Variants in NOC3L observed in about 807,000 individuals in gnomAD.
NOC3L encodes nucleolar complex protein 3 homolog.
A neutral mutation model predicts 102.5 loss-of-function variants in NOC3L; 85 were observed. The ratio of observed to expected loss-of-function variants is 0.83; its 90% CI spans 0.70 to 0.99. The LOEUF (loss-of-function observed/expected upper bound fraction) is 0.99, where lower values mean the gene tolerates loss of function less well. Among genes scored for constraint, NOC3L ranks in the 50% least tolerant of loss-of-function variants. The probability of loss-of-function intolerance (pLI) is 0.00; values close to 1 mark genes in which losing one functional copy is unlikely to be tolerated. For missense variants in NOC3L, 878 were observed against 914.9 expected (o/e 0.96, Z 0.52); for synonymous variants, 303 against 309.4 (o/e 0.98, Z 0.22).
the NOC3L span, chr10:94,316,649 C>A: frequency 6.2e-7 from 1 of 1,611,410 alleles, no homozygotes; most frequent in Non-Finnish European, 8.5e-7. Flanking sequence ...TAGGAAACAA[C>A]CATTCCAGAG....
the NOC3L span, among the ~76,000 whole-genome samples, chr10:94,320,965 G>T: frequency 3.3e-5 from 5 of 152,118 alleles, no homozygotes; most frequent in Non-Finnish European, 5.9e-5. Flanking sequence ...GAAAAGTTTG[G>T]TTTTTCTTAT....
downstream of NOC3L, chr10:94,332,391 A>G (rs2054170052): frequency 6.6e-6 from 1 of 151,922 alleles, no homozygotes; most frequent in Non-Finnish European, 1.5e-5. Flanking sequence ...ATTATTTCCC[A>G]CCCCACTCTT....
Position 94,361,669 on chromosome 10 carries a change from T to C in NOC3L, c.213A>G (p.Arg71=), listed in dbSNP as rs1217049613. The change falls in exon 2 of 21, where the codon CGA becomes CGG. Residue 71 remains arginine (R), a synonymous_variant. Transcript: ENST00000371361. ...ACATGATGTTTTCACAATTACCTGG[T>C]CGCTTTTCCTTTGGGTTCTCCAATG... ...PIPLENPKEK[R]PGKRIEREEE... 6.2e-7 allele frequency: 1 copy of C among 1,613,064 alleles called. No individual in the cohort carries two copies. The highest frequency in any genetic ancestry group is 2.2e-5 in the East Asian group (1 of 44,874).
At position 94,346,432 on chromosome 10, in the gene NOC3L, T is replaced by G; in HGVS notation, c.1382A>C (p.Gln461Pro). 6.7e-7 allele frequency: 1 copy of G among 1,496,146 alleles called. No homozygotes were observed. The highest frequency in any genetic ancestry group is 8.9e-7 in the Non-Finnish European group (1 of 1,121,758). The allele number at this position is 1,496,146 out of a possible 1,614,324, so 92.7% of individuals were successfully genotyped here. A position where few individuals can be genotyped will look rare whatever the true frequency, so the allele number is the denominator to read the frequency against. Residue 461 changes from glutamine to proline, a missense_variant, in exon 11 of 21, where the codon CAG becomes CCG. By Grantham distance (76) the Gln-to-Pro change is moderately conservative. Coordinates refer to ENST00000371361, the MANE Select transcript of NOC3L (RefSeq NM_022451.11). Reference sequence around the variant, plus strand: ...AGGGGAAATAAGTCAAACCTTTCTCTGCATTCTTGATAGAGATTTTCTCTT... The same window carrying G: ...AGGGGAAATAAGTCAAACCTTTCTCGGCATTCTTGATAGAGATTTTCTCTT... The part of the protein sequence containing the change: ...KEKRKSLSRM[Q>P]RKWKKAEEKL...
intron 16 of NOC3L, 24 bp downstream of exon 16, chr10:94,340,252 G>A: frequency 6.4e-7 from 1 of 1,568,492 alleles, no homozygotes; most frequent in Non-Finnish European, 8.7e-7. Flanking sequence ...ACATATAAAA[G>A]AAACATTATC....
chr10:94,324,994 C>T, the NOC3L span: 2 of 1,614,020 alleles, frequency 1.2e-6, no homozygotes, highest in Non-Finnish European at 1.7e-6. Flanking sequence ...ACCTTCTCAG[C>T]TCTTGACCTC....
intron 5 of NOC3L, 22 bp from the exon 6 acceptor site, chr10:94,355,115 C>T (rs185421499): frequency 8.4e-5 from 134 of 1,592,636 alleles, no homozygotes; most frequent in Non-Finnish European, 1.1e-4. Context: ...TAGATGTTCC[C>T]TTACATATTC....
chr10:94,337,734 G>C (rs768374164), intron 19 of NOC3L, 43 bp downstream of exon 19: 2 of 1,333,722 alleles, frequency 1.5e-6, no homozygotes, highest in Non-Finnish European at 2.1e-6. Flanking sequence ...GTGGCTATCA[G>C]CTCAATTCTG....
chr10:94,357,437 G>A (rs2054502140), intron 3 of NOC3L, 106 bp from the exon 4 acceptor site: 1 of 927,022 alleles, frequency 1.1e-6, no homozygotes, highest in Admixed American at 3.4e-5. Context: ...ACTTTCAATA[G>A]GTATATGGAT....
chr10:94,340,210 G>A (rs1012953600), intron 16 of NOC3L, 66 bp downstream of exon 16: 2 of 1,316,082 alleles, frequency 1.5e-6, no homozygotes, highest in African/African-American at 3.0e-5. Context: ...TGTCTACAAT[G>A]ATGGGTCATA....
At chr10:94,324,863 C>T in the NOC3L span, 2 of 1,607,504 alleles carry the variant, frequency 1.2e-6, no homozygotes, top group East Asian at 4.5e-5. Context: ...TTTAACCTAA[C>T]ACCAATGGAA....
chr10:94,334,715 A>G lies in NOC3L; in HGVS notation c.2193T>C (p.Ser731=), dbSNP rs537591681. Residue 731 remains serine (S), a synonymous_variant, in exon 20 of 21, where the codon TCT becomes TCC. Transcript: ENST00000371361. ...TATATGCCTCAAAAAGTTCAGTAGCAGATCTAAATCACAAACACAAAAAAT... is the reference window on the plus strand; with the variant it reads ...TATATGCCTCAAAAAGTTCAGTAGCGGATCTAAATCACAAACACAAAAAAT... The part of the protein sequence containing the change: ...GALKPELSRR[S]ATELFEAYSM... 6.2e-7 allele frequency: 1 copy of G among 1,609,360 alleles called. No homozygotes were observed. The highest frequency in any genetic ancestry group is 2.2e-5 in the East Asian group (1 of 44,780).
At chr10:94,352,538 T>A (rs2054432263) in intron 7 of NOC3L, 135 bp from the exon 8 acceptor site, 1 of 636,696 alleles carries the variant, frequency 1.6e-6, no homozygotes, top group Non-Finnish European at 2.7e-6. Context: ...GGCAGTCGTT[T>A]AGGCCAGGCG....
chr10:94,341,593 T>C, intron 14 of NOC3L, 80 bp downstream of exon 14: 1 of 677,908 alleles, frequency 1.5e-6, no homozygotes, highest in Non-Finnish European at 2.3e-6. Context: ...GTATACAAAA[T>C]ATATCTCAAT....
chr10:94,340,673 G>A (rs1323498593), intron 14 of NOC3L, among the ~76,000 whole-genome samples, 177 bp from the exon 15 acceptor site: 1 of 151,950 alleles, frequency 6.6e-6, no homozygotes, highest in Non-Finnish European at 1.5e-5. Flanking sequence ...ACCAGCTTGG[G>A]CAACATGGCA....
At chr10:94,315,079 G>A in the NOC3L span, 2 of 232,640 alleles carry the variant, frequency 8.6e-6, no homozygotes, top group Non-Finnish European at 1.7e-5. Flanking sequence ...CTGAGCAGGG[G>A]GTGATGCTGG....
chr10:94,325,040 G>T, the NOC3L span: 36 of 1,614,090 alleles, frequency 2.2e-5, no homozygotes, highest in Non-Finnish European at 2.8e-5. Flanking sequence ...AAACCTGTGG[G>T]TGGCTTGTCC....
chr10:94,347,295 A>C (rs2054355453), intron 10 of NOC3L, among the ~76,000 whole-genome samples: 1 of 152,204 alleles, frequency 6.6e-6, no homozygotes, highest in African/African-American at 2.4e-5. Flanking sequence ...GAATGAAACA[A>C]GGAATAACTA....
chr10:94,316,297 T>C, the NOC3L span, among the ~76,000 whole-genome samples: 1 of 152,350 alleles, frequency 6.6e-6, no homozygotes, highest in South Asian at 2.1e-4. Context: ...CTAGGAGCTC[T>C]CATTCCAGCA....
Sources: gnomAD v4.1 joint callset for allele counts (sites outside exome capture counted in the v4.1 genomes callset) on GRCh38, gnomAD v4.1.1 for gene constraint, MANE v1.5 for transcripts, NCBI Gene and HGNC (gene_info 2026-07-23, HGNC 2026-07-21) for gene names.